ILDR1: variants seen among roughly 807,000 people sequenced by gnomAD.
ILDR1 encodes immunoglobulin-like domain-containing receptor 1.
Under a neutral mutation model 62.4 loss-of-function variants are expected in ILDR1, and 56 were observed. That is an observed-to-expected ratio of 0.90 (90% CI 0.72 to 1.12). The LOEUF (loss-of-function observed/expected upper bound fraction) is 1.12. ILDR1 is among the 50% of genes most tolerant of loss of function. ILDR1 has a pLI of 0.00. For missense variants in ILDR1, 736 were observed against 710.6 expected, an observed-to-expected ratio of 1.04 and a Z score of -0.41; for synonymous variants, 284 against 277.8, an observed-to-expected ratio of 1.02 and a Z score of -0.22.
chr3:122,037,871 T>A, the ILDR1 span, among the ~76,000 whole-genome samples: 1 of 152,148 alleles, frequency 6.6e-6, no homozygotes, highest in African/African-American at 2.4e-5. Context: ...GTTCTCATGA[T>A]ATTGAATGAG....
chr3:122,051,848 C>T, the ILDR1 span, among the ~76,000 whole-genome samples: 2 of 152,282 alleles, frequency 1.3e-5, no homozygotes, highest in Admixed American at 1.3e-4. Context: ...CAAACATTTT[C>T]TGTGGATACG....
chr3:122,059,454 T>C, the ILDR1 span, among the ~76,000 whole-genome samples: 2 of 150,754 alleles, frequency 1.3e-5, no homozygotes, highest in African/African-American at 2.4e-5. Flanking sequence ...GAGAATAGCT[T>C]GAACCCAGGA....
rs531411786 is a variant in ILDR1 at position 122,005,466 on chromosome 3, C to A, written c.230-73G>T. On this transcript the variant is annotated intron_variant, in intron 2 of 7. Transcript: ENST00000344209. ...ACAAAAAAAAGGTTCCCTTCCTGCTCCGGGCGTGAGACACAGTGAAGTGTC... is the reference window on the plus strand; with the variant it reads ...ACAAAAAAAAGGTTCCCTTCCTGCTACGGGCGTGAGACACAGTGAAGTGTC... 18 of 1,553,868 alleles carry A rather than the reference C, an allele frequency of 1.2e-5. No homozygotes were observed. In the East Asian group the frequency reaches 4.1e-4, roughly 35 times the overall value.
the ILDR1 span, among the ~76,000 whole-genome samples, chr3:122,035,265 C>T: frequency 6.6e-6 from 1 of 152,034 alleles, no homozygotes; most frequent in African/African-American, 2.4e-5. Context: ...AAAAGTTTAT[C>T]CCTGGGAGAA....
chr3:122,052,865 G>A, the ILDR1 span, among the ~76,000 whole-genome samples: 4 of 152,130 alleles, frequency 2.6e-5, no homozygotes, highest in African/African-American at 7.2e-5. Context: ...CACCGCGCCC[G>A]GCCAAAAAGT....
the ILDR1 span, among the ~76,000 whole-genome samples, chr3:122,041,247 T>C: frequency 1.3e-5 from 2 of 152,220 alleles, no homozygotes; most frequent in African/African-American, 4.8e-5. Context: ...TTTTAGGTCA[T>C]GAGGACTCCC....
chr3:122,010,627 G>A (rs1402131481), intron 1 of ILDR1, among the ~76,000 whole-genome samples: 1 of 151,966 alleles, frequency 6.6e-6, no homozygotes, highest in Admixed American at 6.5e-5. Flanking sequence ...TTGTTTGTTT[G>A]TTTCTTTTCT....
intron 1 of ILDR1, among the ~76,000 whole-genome samples, chr3:122,013,673 T>C (rs1333347948): frequency 6.6e-6 from 1 of 151,892 alleles, no homozygotes; most frequent in East Asian, 1.9e-4. Context: ...TGACTAGCTA[T>C]GGACAAGAAG....
At chr3:122,050,802 T>G in the ILDR1 span, among the ~76,000 whole-genome samples, 2 of 152,210 alleles carry the variant, frequency 1.3e-5, no homozygotes, top group African/African-American at 4.8e-5. Flanking sequence ...TCAAGGACTC[T>G]CTTTAGCATT....
At position 121,993,253 on chromosome 3, in the gene ILDR1, G is replaced by A. The variant is rs761333724; in HGVS notation, c.1496C>T (p.Ser499Leu). 9 of 1,613,536 alleles carry A rather than the reference G, an allele frequency of 5.6e-6. No individual in the cohort carries two copies. Among genetic ancestry groups the A allele is most frequent in the Admixed American group, 1.7e-5 (1 of 59,998 alleles). Reference protein sequence around the residue: ...PQSWRAHRRGSHSPHWPEEKP... With the variant: ...PQSWRAHRRGLHSPHWPEEKP... Reference sequence around the variant, plus strand: ...CTCCTCGGGCCAGTGTGGGGAGTGCGAGCCGCGGCGGTGGGCCCGCCAGCT... The same window carrying A: ...CTCCTCGGGCCAGTGTGGGGAGTGCAAGCCGCGGCGGTGGGCCCGCCAGCT... The change falls in exon 7 of 8, where the codon TCG (serine) becomes TTG (leucine). Residue 499 changes from serine to leucine, a missense_variant. Physicochemically the swap from Ser to Leu is moderately radical, Grantham distance 145. Transcript: ENST00000344209.
chr3:122,055,497 C>A, the ILDR1 span: 265 of 1,613,880 alleles, frequency 1.6e-4, no homozygotes, highest in African/African-American at 3.4e-3. Context: ...AAAATGGATC[C>A]CCAGTGGTGA....
the ILDR1 span, among the ~76,000 whole-genome samples, chr3:122,054,850 C>A: frequency 2.6e-5 from 4 of 151,902 alleles, no homozygotes; most frequent in African/African-American, 9.7e-5. Flanking sequence ...CAATGTAATC[C>A]TTGGCTATAG....
intron 3 of ILDR1, among the ~76,000 whole-genome samples, chr3:122,002,756 G>A (rs1436111738): frequency 1.3e-5 from 2 of 152,034 alleles, no homozygotes; most frequent in South Asian, 2.1e-4. Context: ...GCTTCCTGAC[G>A]CTCTCCCTCC....
Position 121,993,783 on chromosome 3 carries a change from A to G in ILDR1, c.966T>C (p.Ser322=). 6.2e-7 allele frequency: 1 copy of G among 1,614,122 alleles called. No individual in the cohort carries two copies. Among genetic ancestry groups the G allele is most frequent in the Non-Finnish European group, 8.5e-7 (1 of 1,180,018 alleles). ...GGATGATTCTGCGTTCCACGACCTCAGAGCCCAGGGAGGACAGCATGCTGC... is the reference window on the plus strand; with the variant it reads ...GGATGATTCTGCGTTCCACGACCTCGGAGCCCAGGGAGGACAGCATGCTGC... The part of the protein sequence containing the change: ...HPCSMLSSLG[S]EVVERRIIHL... Residue 322 remains serine, a synonymous_variant, in exon 7 of 8, where the codon TCT becomes TCC. Coordinates refer to ENST00000344209, the MANE Select transcript of ILDR1 (RefSeq NM_001199799.2).
At chr3:122,037,224 C>T in the ILDR1 span, among the ~76,000 whole-genome samples, 1 of 152,192 alleles carries the variant, frequency 6.6e-6, no homozygotes, top group Non-Finnish European at 1.5e-5. Context: ...AAAAGAGGAC[C>T]ATCATTCCCA....
At chr3:122,018,394 T>TGGGGGGGGGGGGGGGG (rs535294009) in intron 1 of ILDR1, among the ~76,000 whole-genome samples, 1 of 51,876 alleles carries the variant, frequency 1.9e-5, no homozygotes, top group African/African-American at 7.1e-5. Flanking sequence ...CCTGTTGGGG[T>TGGGGGGGGGGGGGGGG]GGGGGGGGGG....
At chr3:122,055,482 C>T in the ILDR1 span, 2 of 1,613,792 alleles carry the variant, frequency 1.2e-6, no homozygotes, top group Non-Finnish European at 8.5e-7. Context: ...ACAGCAGAAG[C>T]AGCCAAAATG....
At chr3:122,029,798 G>A in the ILDR1 span, among the ~76,000 whole-genome samples, 4 of 151,982 alleles carry the variant, frequency 2.6e-5, no homozygotes, top group East Asian at 7.7e-4. Flanking sequence ...TTTTACTATA[G>A]AATTAAACCA....
At chr3:122,049,338 T>C in the ILDR1 span, among the ~76,000 whole-genome samples, 2 of 152,222 alleles carry the variant, frequency 1.3e-5, no homozygotes, top group Non-Finnish European at 2.9e-5. Flanking sequence ...TTGGGAAAAA[T>C]GTGAATTCTT....
Sources: gnomAD v4.1 joint callset for allele counts (sites outside exome capture counted in the v4.1 genomes callset) on GRCh38, gnomAD v4.1.1 for gene constraint, MANE v1.5 for transcripts, NCBI Gene and HGNC (gene_info 2026-07-23, HGNC 2026-07-21) for gene names.